The following TENT4A variants were observed in gnomAD, a reference collection of about 807,000 sequenced individuals.
TENT4A encodes the protein DNA polymerase kappa.
In TENT4A, 7 loss-of-function variants were observed where a neutral mutation model predicts 72.8. The observed-to-expected ratio is 0.10, with a 90% confidence interval of 0.05 to 0.18. The LOEUF is 0.18. Among genes scored for constraint, TENT4A ranks in the 10% least tolerant of loss-of-function variants. The pLI, the probability that TENT4A is intolerant of heterozygous loss-of-function variation, is 1.00. For synonymous variants in TENT4A, 456 were observed against 434.3 expected, an observed-to-expected ratio of 1.05 and a Z score of -0.62; for missense variants, 831 against 1,017.7, an observed-to-expected ratio of 0.82 and a Z score of 2.50.
At chr5:6,718,108 G>A (rs1363814884) in intron 1 of TENT4A, among the ~76,000 whole-genome samples, 1 of 152,170 alleles carries the variant, frequency 6.6e-6, no homozygotes, top group Non-Finnish European at 1.5e-5. Context: ...CAGGTTTCTT[G>A]GTATTTAATC....
At chr5:6,753,061 C>T (rs779679837) in intron 12 of TENT4A, 24 bp downstream of exon 12, 20 of 1,572,872 alleles carry the variant, frequency 1.3e-5, no homozygotes, top group Admixed American at 1.7e-5. Flanking sequence ...CTGGTGCATT[C>T]ACCTACCTGT....
Position 6,755,788 on chromosome 5 carries a change from T to A in TENT4A, c.*843T>A, listed in dbSNP as rs1742661033. The A allele has an allele frequency of 6.6e-6, 1 of 152,262 alleles. No homozygotes were observed. Among genetic ancestry groups the A allele is most frequent in the African/African-American group, 2.4e-5 (1 of 41,472 alleles). 9.4% of individuals were successfully genotyped at this position (152,262 alleles called of 1,614,324 possible). ...CTGCTCTGACCACAGAGTTTTAATG[T>A]TTTGGTTTTCACTTCTTTTAAACTG... On this transcript the variant is annotated 3_prime_UTR_variant, in exon 13 of 13. Transcript: ENST00000230859.
intron 1 of TENT4A, among the ~76,000 whole-genome samples, chr5:6,732,465 C>G (rs762846030): frequency 2.2e-4 from 33 of 152,196 alleles, no homozygotes; most frequent in Non-Finnish European, 2.2e-4. Context: ...TAAATACATA[C>G]AGCAAGCATA....
At chr5:6,729,048 T>A (rs1280890044) in intron 1 of TENT4A, among the ~76,000 whole-genome samples, 1 of 152,230 alleles carries the variant, frequency 6.6e-6, no homozygotes. Context: ...TATAGATAGA[T>A]GTACACAATT....
chr5:6,739,885 C>T (rs781335987), intron 4 of TENT4A, 33 bp downstream of exon 4: 24 of 1,604,068 alleles, frequency 1.5e-5, no homozygotes, highest in Non-Finnish European at 1.9e-5. Flanking sequence ...TCTGACCGGG[C>T]AGGAGCCTTG....
chr5:6,748,734 G>C, intron 8 of TENT4A, 144 bp downstream of exon 8: 9 of 827,054 alleles, frequency 1.1e-5, no homozygotes, highest in Non-Finnish European at 1.7e-5. Flanking sequence ...GTGAAGGAAG[G>C]CCTTCTAGGA....
At chr5:6,728,756 G>A (rs917180193) in intron 1 of TENT4A, among the ~76,000 whole-genome samples, 1 of 149,744 alleles carries the variant, frequency 6.7e-6, no homozygotes, top group Admixed American at 6.6e-5. Flanking sequence ...GACGGGCACA[G>A]TGATGTCTGC....
chr5:6,752,325 G>A (rs981646472), intron 11 of TENT4A, among the ~76,000 whole-genome samples: 40 of 152,242 alleles, frequency 2.6e-4, no homozygotes, highest in African/African-American at 8.9e-4. Context: ...ATCTCCAGAG[G>A]TTGTTGGGGT....
At chr5:6,753,657 G>A (rs1742535689) in intron 12 of TENT4A, among the ~76,000 whole-genome samples, 1 of 152,252 alleles carries the variant, frequency 6.6e-6, no homozygotes, top group Non-Finnish European at 1.5e-5. Context: ...CCCGTCGTGT[G>A]TGATGTTCCT....
At chr5:6,732,487 A>G (rs1268118940) in intron 1 of TENT4A, among the ~76,000 whole-genome samples, 1 of 152,240 alleles carries the variant, frequency 6.6e-6, no homozygotes, top group African/African-American at 2.4e-5. Flanking sequence ...ACCAGATACT[A>G]AAATACAAAA....
At chr5:6,732,716 G>C (rs1741272442) in intron 1 of TENT4A, among the ~76,000 whole-genome samples, 1 of 152,104 alleles carries the variant, frequency 6.6e-6, no homozygotes, top group Admixed American at 6.5e-5. Flanking sequence ...GTAGTTTCCT[G>C]ACTAAAATAA....
chr5:6,719,390 C>T (rs1025548962), intron 1 of TENT4A, among the ~76,000 whole-genome samples: 4 of 152,238 alleles, frequency 2.6e-5, no homozygotes, highest in African/African-American at 9.6e-5. Flanking sequence ...CCTTGATATT[C>T]AAATTCAGAA....
intron 7 of TENT4A, among the ~76,000 whole-genome samples, chr5:6,748,067 C>T (rs1038599656): frequency 3.1e-4 from 47 of 152,326 alleles, no homozygotes; most frequent in African/African-American, 1.0e-3. Context: ...GTCAGATCAG[C>T]GATCACAGTG....
chr5:6,742,434 C>G lies in TENT4A; in HGVS notation c.1009-56C>G. The G allele has an allele frequency of 9.9e-6, 11 of 1,109,158 alleles. No homozygotes were observed. The South Asian group carries it at 1.4e-4, about 14-fold the overall frequency. The allele number at this position is 1,109,158 out of a possible 1,614,324, so 68.7% of individuals were successfully genotyped here. Reference sequence around the variant, plus strand: ...GTACAGCTTTGGCAGCATTTTGATGCCTGGCTGTGGAGAGTCCTGCATGTT... The same window carrying G: ...GTACAGCTTTGGCAGCATTTTGATGGCTGGCTGTGGAGAGTCCTGCATGTT... On this transcript the variant is annotated intron_variant, in intron 4 of 12. Transcript: ENST00000230859.
intron 1 of TENT4A, among the ~76,000 whole-genome samples, chr5:6,726,050 C>T (rs1413532434): frequency 6.6e-6 from 1 of 152,148 alleles, no homozygotes; most frequent in East Asian, 1.9e-4. Flanking sequence ...CTTTGTTTCT[C>T]CCTCCTCTGG....
At chr5:6,729,285 C>G (rs562037733) in intron 1 of TENT4A, among the ~76,000 whole-genome samples, 1 of 152,228 alleles carries the variant, frequency 6.6e-6, no homozygotes, top group South Asian at 2.1e-4. Flanking sequence ...GCCTCAAAGA[C>G]TATTATTTGG....
chr5:6,731,162 C>T lies in TENT4A; in HGVS notation c.717-6348C>T, dbSNP rs549590606. 2.6e-5 allele frequency among the ~76,000 whole-genome samples: 4 copies of T among 152,274 alleles called. No individual in the cohort carries two copies. The East Asian group carries it at 5.8e-4, about 22-fold the overall frequency. Reference sequence around the variant, plus strand: ...TTTTTGGGCAAAAATGCATAGTGAACATTGTGGAGCTGAAGTGAGGGAACT... The same window carrying T: ...TTTTTGGGCAAAAATGCATAGTGAATATTGTGGAGCTGAAGTGAGGGAACT... On this transcript the variant is annotated intron_variant, in intron 1 of 12. Coordinates refer to ENST00000230859, the MANE Select transcript of TENT4A (RefSeq NM_006999.6).
At chr5:6,726,895 T>A (rs1740954555) in intron 1 of TENT4A, among the ~76,000 whole-genome samples, 1 of 152,126 alleles carries the variant, frequency 6.6e-6, no homozygotes, top group South Asian at 2.1e-4. Flanking sequence ...GGGGGTTTTC[T>A]CTTGAGTCTT....
rs374626825 is a variant in TENT4A at position 6,749,540 on chromosome 5, A to T, written c.1587-17A>T. On this transcript the variant is annotated splice_polypyrimidine_tract_variant and intron_variant, in intron 8 of 12. Transcript: ENST00000230859. ...ACCTGTTGTACTCTGTTGATCTCCAACAATGTCCCTTTGCAGTACTTTAGG... is the reference window on the plus strand; with the variant it reads ...ACCTGTTGTACTCTGTTGATCTCCATCAATGTCCCTTTGCAGTACTTTAGG... 4.5e-6 allele frequency: 7 copies of T among 1,560,362 alleles called. No homozygotes were observed. In the African/African-American group the frequency reaches 9.5e-5, roughly 21 times the overall value.
Sources: allele counts gnomAD v4.1 joint callset (sites outside exome capture counted in the v4.1 genomes callset), GRCh38; gene constraint gnomAD v4.1.1; transcripts MANE v1.5; gene names NCBI Gene and HGNC (gene_info 2026-07-23, HGNC 2026-07-21).